The following EPHA2 variants were observed in gnomAD, a reference collection of about 807,000 sequenced individuals.
EPHA2 encodes the protein EPH receptor A2, also known as ephrin type-A receptor 2.
EPHA2 carries 54 observed loss-of-function variants against 104.9 expected under a neutral mutation model. The observed-to-expected ratio is 0.51, with a 90% CI of 0.41 to 0.65. The LOEUF (loss-of-function observed/expected upper bound fraction) is 0.65, where lower values mean the gene tolerates loss of function less well. Among genes scored for constraint, EPHA2 ranks in the 30% least tolerant of loss-of-function variants. EPHA2 has a pLI of 0.00. For synonymous variants in EPHA2, 560 were observed against 559.1 expected (o/e 1.00, Z -0.02); for missense variants, 1,117 against 1,369.5 (o/e 0.82, Z 2.91).
chr1:16,143,781 G>A (rs139969192), intron 3 of EPHA2, among the ~76,000 whole-genome samples: 78 of 152,300 alleles, frequency 5.1e-4, no homozygotes, highest in African/African-American at 1.9e-3. Flanking sequence ...TTGGCCCAGG[G>A]ATGTGGAGCT....
In EPHA2 at chr1:16,138,194, A is replaced by T. The variant is rs1483537933; in HGVS notation, c.980-9T>A. On this transcript the variant is annotated splice_polypyrimidine_tract_variant and intron_variant, in intron 4 of 16. Coordinates refer to ENST00000358432, the MANE Select transcript of EPHA2 (RefSeq NM_004431.5). ...TGGGGCGGAGGGGGGTCCTGCACAG[A>T]CAGGAGGAGTCAGTGCTGTGCTGGA... is the stretch of plus-strand genomic sequence containing the variant. The T allele has an allele frequency of 6.2e-7, 1 of 1,610,888 alleles. No individual in the cohort carries two copies. The highest frequency in any genetic ancestry group is 1.1e-5 in the South Asian group (1 of 91,026).
At chr1:16,153,481 C>T (rs1456599415) in intron 1 of EPHA2, among the ~76,000 whole-genome samples, 1 of 152,234 alleles carries the variant, frequency 6.6e-6, no homozygotes, top group Non-Finnish European at 1.5e-5. Context: ...CACCCCAGCT[C>T]AGCACCCCCT....
In EPHA2 at chr1:16,128,654, G is replaced by A. The variant is rs2024514243; in HGVS notation, c.2825+780C>T. Among the ~76,000 whole-genome samples, 3 of 152,220 alleles carry A rather than the reference G, an allele frequency of 2.0e-5. No individual in the cohort carries two copies. The highest frequency in any genetic ancestry group is 4.4e-5 in the Non-Finnish European group (3 of 68,054). ...AGAGGATAGGGTCTCCCCCTTCCTGGGACAGGAGGAGGTGTCTGTGCCAAG... is the reference window on the plus strand; with the variant it reads ...AGAGGATAGGGTCTCCCCCTTCCTGAGACAGGAGGAGGTGTCTGTGCCAAG... On this transcript the variant is annotated intron_variant, in intron 16 of 16. Coordinates refer to ENST00000358432, the MANE Select transcript of EPHA2 (RefSeq NM_004431.5). The surrounding 1 kb of genome is among the most constrained non-coding windows in gnomAD (Gnocchi z 4.7).
At position 16,130,392 on chromosome 1, in the gene EPHA2, G is replaced by T; in HGVS notation, c.2503C>A (p.Arg835=). ...GGGCAGTCCATGGGTGTGGGGAGCCGGAAGCCATCATTGATGGCTTTCATC... is the reference window on the plus strand; with the variant it reads ...GGGCAGTCCATGGGTGTGGGGAGCCTGAAGCCATCATTGATGGCTTTCATC... ...EVMKAINDGF[R]LPTPMDCPSA... The change falls in exon 15 of 17, where the codon CGG becomes AGG. Residue 835 remains arginine, a synonymous_variant. Transcript: ENST00000358432. The surrounding 1 kb of genome is among the most constrained non-coding windows in gnomAD (Gnocchi z 4.5). 6.5e-7 allele frequency: 1 copy of T among 1,549,002 alleles called. No homozygotes were observed. Among genetic ancestry groups the T allele is most frequent in the Non-Finnish European group, 8.7e-7 (1 of 1,144,236 alleles).
chr1:16,126,524 C>T (rs970789925), intron 16 of EPHA2, among the ~76,000 whole-genome samples: 2 of 152,218 alleles, frequency 1.3e-5, no homozygotes, highest in Admixed American at 1.3e-4. Context: ...GGTGCTCCCA[C>T]AGCAGCAGGA....
Position 16,135,253 on chromosome 1 carries a change from C to G in EPHA2, c.1429-64G>C. 6.2e-7 allele frequency: 1 copy of G among 1,604,244 alleles called. No individual in the cohort carries two copies. Among genetic ancestry groups the G allele is most frequent in the Non-Finnish European group, 8.5e-7 (1 of 1,174,728 alleles). On this transcript the variant is annotated intron_variant, in intron 6 of 16. Coordinates refer to ENST00000358432, the MANE Select transcript of EPHA2 (RefSeq NM_004431.5). The surrounding 1 kb of genome is among the most constrained non-coding windows in gnomAD (Gnocchi z 4.3). ...GCAGGGCAGGGGCCTCGGCTCAGCC[C>G]GCTGGAGACCACCCCAAGCTAGCAA...
chr1:16,125,049 C>T lies in EPHA2; in HGVS notation c.*166G>A, dbSNP rs11543935. ...CCAGCCCAGCATCCCTGGTCATCTCCTCAGTTCAGGCCAGGGTGTCATCCG... is the reference window on the plus strand; with the variant it reads ...CCAGCCCAGCATCCCTGGTCATCTCTTCAGTTCAGGCCAGGGTGTCATCCG... On this transcript the variant is annotated 3_prime_UTR_variant, in exon 17 of 17. Coordinates refer to ENST00000358432, the MANE Select transcript of EPHA2 (RefSeq NM_004431.5). This position sits in a 1 kb window ranked among gnomAD's most constrained non-coding sequence, Gnocchi z 4.9. 5.9e-3 allele frequency: 4,027 copies of T among 686,488 alleles called. 126 individuals are homozygous for T. The African/African-American group carries it at 0.06, about 10-fold the overall frequency. 42.5% of individuals were successfully genotyped at this position (686,488 alleles called of 1,614,324 possible).
rs113483788 is a variant in EPHA2, at chr1:16,128,411, G to A, written c.2825+1023C>T. On this transcript the variant is annotated intron_variant, in intron 16 of 16. Coordinates refer to ENST00000358432, the MANE Select transcript of EPHA2 (RefSeq NM_004431.5). The surrounding 1 kb of genome is among the most constrained non-coding windows in gnomAD (Gnocchi z 4.7). ...GCTATGGCCTTGGCCAGCAGGTTGG[G>A]AGCCCAGCTGAGCAATTTCCAAAGG... is the stretch of plus-strand genomic sequence containing the variant. Among the ~76,000 whole-genome samples the A allele has an allele frequency of 0.018, 2,688 of 152,320 alleles. 89 individuals carry two copies. The highest frequency in any genetic ancestry group is 0.06 in the African/African-American group (2,474 of 41,562).
Position 16,148,479 on chromosome 1 carries a change from T to G in EPHA2, c.722A>C (p.Glu241Ala), listed in dbSNP as rs1308543248. The change falls in exon 3 of 17, where the codon GAA becomes GCA. Residue 241 changes from glutamate (E) to alanine (A), a missense_variant. Glu to Ala is a moderately radical substitution (Grantham distance 107). This residue lies in a region of EPHA2 where 664 missense variants were observed against 784.8 expected (regional missense o/e 0.85). Transcript: ENST00000358432. The surrounding 1 kb of genome is among the most constrained non-coding windows in gnomAD (Gnocchi z 4.9). Reference protein sequence around the residue: ...VDHAVVPPGGEEPRMHCAVDG... With the variant: ...VDHAVVPPGGAEPRMHCAVDG... ...CACTGCACAGTGCATACGGGGCTCT[T>G]CACCCCCCGGTGGCACCACGGCATG... The G allele has an allele frequency of 6.8e-6, 11 of 1,613,716 alleles. No homozygotes were observed. The highest frequency in any genetic ancestry group is 8.5e-6 in the Non-Finnish European group (10 of 1,180,032).
intron 16 of EPHA2, among the ~76,000 whole-genome samples, chr1:16,126,142 T>C (rs922793290): frequency 4.6e-5 from 7 of 152,132 alleles, no homozygotes; most frequent in Non-Finnish European, 8.8e-5. Flanking sequence ...TGGACAGATG[T>C]GCCCAGGAGC....
At position 16,129,445 on chromosome 1, in the gene EPHA2, C is replaced by T; in HGVS notation, c.2814G>A (p.Gln938=). ...GGGGCCTGACTTACTCGTTGGTCAT[C>T]TGCACCACCTTCTCGATGGCAGTGT... ...AGYTAIEKVV[Q]MTNDDIKRIG... Residue 938 remains glutamine (Q), a synonymous_variant, in exon 16 of 17, where the codon CAG becomes CAA. Transcript: ENST00000358432. 2 of 1,613,406 alleles carry T rather than the reference C, an allele frequency of 1.2e-6. No individual in the cohort carries two copies. Among genetic ancestry groups the T allele is most frequent in the Non-Finnish European group, 1.7e-6 (2 of 1,179,994 alleles).
chr1:16,134,688 CAGAGGGT>C lies in EPHA2; in HGVS notation c.1583-128_1583-122del. 1 of 1,081,070 alleles carries C rather than the reference CAGAGGGT, an allele frequency of 9.3e-7. No homozygotes were observed. The highest frequency in any genetic ancestry group is 2.0e-5 in the Admixed American group (1 of 50,568). The allele number at this position is 1,081,070 out of a possible 1,614,324, so 67.0% of individuals were successfully genotyped here. A position where few individuals can be genotyped will look rare whatever the true frequency, so the allele number is the denominator to read the frequency against. ...TGGGTGCTTGCACTTGGGAAGGCTCCAGAGGGTACTTAGTCCCATTTCATAGACGGTC... is the reference window on the plus strand; with the variant it reads ...TGGGTGCTTGCACTTGGGAAGGCTCCACTTAGTCCCATTTCATAGACGGTC... On this transcript the variant is annotated intron_variant, in intron 7 of 16. Coordinates refer to ENST00000358432, the MANE Select transcript of EPHA2 (RefSeq NM_004431.5). The surrounding 1 kb of genome is among the most constrained non-coding windows in gnomAD (Gnocchi z 4.5).
chr1:16,129,348 C>A lies in EPHA2; in HGVS notation c.2825+86G>T, dbSNP rs538816681. 8.3e-5 allele frequency: 122 copies of A among 1,475,112 alleles called. No homozygotes were observed. In the African/African-American group the frequency reaches 1.5e-3, roughly 19 times the overall value. 91.4% of individuals were successfully genotyped at this position (1,475,112 alleles called of 1,614,324 possible). On this transcript the variant is annotated intron_variant, in intron 16 of 16. Coordinates refer to ENST00000358432, the MANE Select transcript of EPHA2 (RefSeq NM_004431.5). ...GAACAAAGAGAGGAGCATTGAGGGG[C>A]AGGGAAGAGGGCTGGGGGGGGCATG...
At chr1:16,151,339 C>T (rs1251122181) in intron 1 of EPHA2, among the ~76,000 whole-genome samples, 1 of 152,208 alleles carries the variant, frequency 6.6e-6, no homozygotes, top group African/African-American at 2.4e-5. Flanking sequence ...TTAAGTGACA[C>T]CACACCGCCC....
intron 5 of EPHA2, among the ~76,000 whole-genome samples, chr1:16,136,280 G>A (rs1275097358): frequency 8.7e-5 from 13 of 149,668 alleles, no homozygotes; most frequent in Non-Finnish European, 1.8e-4. Context: ...CACATCAGAG[G>A]TGCCCCATAT....
In EPHA2 at chr1:16,150,691, C is replaced by T. The variant is rs2025017243; in HGVS notation, c.153+205G>A. Among the ~76,000 whole-genome samples the T allele has an allele frequency of 6.6e-6, 1 of 152,236 alleles. No homozygotes were observed. Among genetic ancestry groups the T allele is most frequent in the East Asian group, 1.9e-4 (1 of 5,188 alleles). ...CACCTCTCAGGCTTACACCCACACCCTCGTACCTTCCCACGCCCATCCAGC... is the reference window on the plus strand; with the variant it reads ...CACCTCTCAGGCTTACACCCACACCTTCGTACCTTCCCACGCCCATCCAGC... On this transcript the variant is annotated intron_variant, in intron 2 of 16. Transcript: ENST00000358432. This position sits in a 1 kb window ranked among gnomAD's most constrained non-coding sequence, Gnocchi z 4.8.
At position 16,138,003 on chromosome 1, in the gene EPHA2, G is replaced by A. The variant is rs1309020202; in HGVS notation, c.1162C>T (p.Pro388Ser). Residue 388 changes from proline (P) to serine (S), a missense_variant, in exon 5 of 17, where the codon CCT becomes TCT. Physicochemically the swap from Pro to Ser is moderately conservative, Grantham distance 74. Around this residue, in one of 3 missense-constraint regions of EPHA2, gnomAD observed 664 missense variants for 784.8 expected, o/e 0.85. Coordinates refer to ENST00000358432, the MANE Select transcript of EPHA2 (RefSeq NM_004431.5). ...PCEASVRYSE[P>S]PHGLTRTSVT... Reference sequence around the variant, plus strand: ...CTGGTGCGGGTCAGTCCGTGAGGAGGCTCCGAGTAGCGCACACTGGCCTCA... The same window carrying A: ...CTGGTGCGGGTCAGTCCGTGAGGAGACTCCGAGTAGCGCACACTGGCCTCA... 6.2e-7 allele frequency: 1 copy of A among 1,613,924 alleles called. No homozygotes were observed. Among genetic ancestry groups the A allele is most frequent in the Non-Finnish European group, 8.5e-7 (1 of 1,180,008 alleles).
intron 3 of EPHA2, among the ~76,000 whole-genome samples, chr1:16,143,005 A>ATGGATGGATGGG (rs1416365034): frequency 7.4e-5 from 8 of 108,822 alleles, no homozygotes; most frequent in Admixed American, 3.3e-4. Flanking sequence ...GGATGGATGG[A>ATGGATGGATGGG]TGGATGGATG....
intron 3 of EPHA2, among the ~76,000 whole-genome samples, chr1:16,144,618 G>A (rs771345265): frequency 6.6e-6 from 1 of 152,228 alleles, no homozygotes; most frequent in Non-Finnish European, 1.5e-5. Context: ...TTCAGACTGA[G>A]CCCCAGTGGG....
Sources: gnomAD v4.1 joint callset for allele counts (sites outside exome capture counted in the v4.1 genomes callset) on GRCh38, gnomAD v4.1.1 for gene constraint, gnomAD v4.1.1 regional missense constraint, Gnocchi (gnomAD v3.1) non-coding constraint, MANE v1.5 for transcripts, NCBI Gene and HGNC (gene_info 2026-07-23, HGNC 2026-07-21) for gene names.